ITFG1: variants seen among roughly 807,000 people sequenced by gnomAD.
ITFG1 encodes the protein integrin alpha FG-GAP repeat containing 1, also known as T-cell immunomodulatory protein.
In ITFG1, 34 loss-of-function variants were observed where a neutral mutation model predicts 81.8. The observed-to-expected ratio is 0.42, with a 90% CI of 0.32 to 0.55. The LOEUF (loss-of-function observed/expected upper bound fraction) is 0.55. Ranked by LOEUF, ITFG1 falls within the 20% of genes least tolerant of loss-of-function variation. ITFG1 has a pLI of 0.17. For synonymous variants in ITFG1, 285 were observed against 270.6 expected, an observed-to-expected ratio of 1.05 and a Z score of -0.52; for missense variants, 672 against 755.4, an observed-to-expected ratio of 0.89 and a Z score of 1.29.
chr16:47,221,491 T>C (rs933105955), intron 13 of ITFG1, among the ~76,000 whole-genome samples: 3 of 152,190 alleles, frequency 2.0e-5, no homozygotes, highest in African/African-American at 4.8e-5. Flanking sequence ...TTTGCCAGTA[T>C]TTTTTGAGGA....
rs1331211714 is a variant in ITFG1 at position 47,374,045 on chromosome 16, C to T, written c.720+1831G>A. The stretch of plus-strand genomic sequence containing the variant: ...TGGTTAGGCTCCTCTGAGAACTCTG[C>T]TTAACTTATCCCAACCACTACCCTG... On this transcript the variant is annotated intron_variant, in intron 7 of 17. Coordinates refer to ENST00000320640, the MANE Select transcript of ITFG1 (RefSeq NM_030790.5). 4.6e-5 allele frequency among the ~76,000 whole-genome samples: 7 copies of T among 152,262 alleles called. No individual in the cohort carries two copies. In the East Asian group the frequency reaches 1.4e-3, roughly 29 times the overall value.
rs1222405585 is a variant in ITFG1 at position 47,365,587 on chromosome 16, A to T, written c.802+201T>A. On this transcript the variant is annotated intron_variant, in intron 8 of 17. Transcript: ENST00000320640. Reference sequence around the variant, plus strand: ...CAGTATCAAACTATTTTTTAAACACATCATAAATTTCTCCTTATTTCATTA... The same window carrying T: ...CAGTATCAAACTATTTTTTAAACACTTCATAAATTTCTCCTTATTTCATTA... 11 of 464,966 alleles carry T rather than the reference A, an allele frequency of 2.4e-5. No individual in the cohort carries two copies. The East Asian group carries it at 3.4e-4, about 14-fold the overall frequency. 28.8% of individuals were successfully genotyped at this position (464,966 alleles called of 1,614,324 possible).
chr16:47,270,833 A>ATTT (rs565756906), intron 10 of ITFG1, among the ~76,000 whole-genome samples: 914 of 152,344 alleles, frequency 6.0e-3, no homozygotes, highest in African/African-American at 0.02. Flanking sequence ...GATTCCATTA[A>ATTT]TATAAAATAT....
At chr16:47,297,631 CTT>C (rs767640557) in intron 10 of ITFG1, among the ~76,000 whole-genome samples, 6 of 132,906 alleles carry the variant, frequency 4.5e-5, no homozygotes, top group Non-Finnish European at 6.5e-5. Context: ...TGACAGTTTG[CTT>C]TTTTTTTTTT....
chr16:47,258,021 A>G (rs1966159747), intron 12 of ITFG1, among the ~76,000 whole-genome samples: 1 of 152,246 alleles, frequency 6.6e-6, no homozygotes, highest in South Asian at 2.1e-4. Context: ...CAAAAGTTTC[A>G]TAAAGAAAAG....
chr16:47,296,608 G>A (rs1041012266), intron 10 of ITFG1, among the ~76,000 whole-genome samples: 1 of 152,046 alleles, frequency 6.6e-6, no homozygotes, highest in Admixed American at 6.6e-5. Context: ...GTTAATTTTT[G>A]TATTTTTAGT....
intron 14 of ITFG1, among the ~76,000 whole-genome samples, chr16:47,164,539 C>G (rs1437578539): frequency 6.6e-6 from 1 of 152,214 alleles, no homozygotes; most frequent in East Asian, 1.9e-4. Flanking sequence ...TTTGCAAAGT[C>G]TTCTAGATCC....
At chr16:47,321,659 C>T (rs1967450149) in intron 8 of ITFG1, among the ~76,000 whole-genome samples, 1 of 152,122 alleles carries the variant, frequency 6.6e-6, no homozygotes, top group South Asian at 2.1e-4. Context: ...TGTAGATGGG[C>T]ACTGCACTCC....
At chr16:47,218,842 A>G in intron 14 of ITFG1, 26 bp downstream of exon 14, 2 of 1,439,226 alleles carry the variant, frequency 1.4e-6, no homozygotes, top group Non-Finnish European at 1.9e-6. Context: ...GCTTTTATAC[A>G]TTATGGACAA....
At chr16:47,211,702 T>C (rs1174657995) in intron 14 of ITFG1, among the ~76,000 whole-genome samples, 1 of 152,246 alleles carries the variant, frequency 6.6e-6, no homozygotes, top group Non-Finnish European at 1.5e-5. Context: ...CCTATTTTTA[T>C]GACAGTTTTT....
chr16:47,431,455 G>GA (rs1969094783), intron 5 of ITFG1, among the ~76,000 whole-genome samples: 1 of 152,064 alleles, frequency 6.6e-6, no homozygotes, highest in Non-Finnish European at 1.5e-5. Flanking sequence ...ATTTTATCCC[G>GA]AAACCACCCC....
chr16:47,156,540 C>A (rs560407398), intron 17 of ITFG1, among the ~76,000 whole-genome samples: 84 of 152,236 alleles, frequency 5.5e-4, no homozygotes, highest in African/African-American at 1.9e-3. Flanking sequence ...ATTAAAAAAA[C>A]CTCCGTTTTG....
chr16:47,380,044 T>A (rs1284855223), intron 6 of ITFG1, among the ~76,000 whole-genome samples: 6 of 101,106 alleles, frequency 5.9e-5, no homozygotes, highest in African/African-American at 8.6e-5. Flanking sequence ...GTCTCTTGGG[T>A]AGCCAAAAAA....
At chr16:47,172,948 A>G (rs995460925) in intron 14 of ITFG1, among the ~76,000 whole-genome samples, 1 of 151,524 alleles carries the variant, frequency 6.6e-6, no homozygotes. Context: ...TTCATTTTCT[A>G]CTCTGTAACC....
chr16:47,388,499 T>C (rs529100570), intron 6 of ITFG1, among the ~76,000 whole-genome samples: 1 of 152,254 alleles, frequency 6.6e-6, no homozygotes, highest in East Asian at 1.9e-4. Context: ...ATAAGTTTAA[T>C]GGGTGACTTC....
At chr16:47,414,369 C>T (rs2073518166) in intron 6 of ITFG1, among the ~76,000 whole-genome samples, 1 of 150,912 alleles carries the variant, frequency 6.6e-6, no homozygotes, top group Admixed American at 6.6e-5. Context: ...ACTAAAAATA[C>T]AAAAAAATTA....
intron 8 of ITFG1, among the ~76,000 whole-genome samples, chr16:47,319,168 C>A (rs745688049): frequency 1.6e-4 from 24 of 152,198 alleles, no homozygotes; most frequent in Non-Finnish European, 2.8e-4. Context: ...AATGTTGATA[C>A]ACTTCATTAT....
chr16:47,390,955 A>G (rs1269730661), intron 6 of ITFG1, among the ~76,000 whole-genome samples: 1 of 152,140 alleles, frequency 6.6e-6, no homozygotes, highest in Non-Finnish European at 1.5e-5. Context: ...TCAATTTTAT[A>G]TAATTTTTAT....
chr16:47,231,015 T>C (rs1380502260), intron 13 of ITFG1, among the ~76,000 whole-genome samples: 4 of 152,220 alleles, frequency 2.6e-5, no homozygotes, highest in Non-Finnish European at 5.9e-5. Flanking sequence ...CCCAAAGTGT[T>C]GGGATTACAG....
Sources: gnomAD v4.1 joint callset for allele counts (sites outside exome capture counted in the v4.1 genomes callset) on GRCh38, gnomAD v4.1.1 for gene constraint, MANE v1.5 for transcripts, NCBI Gene and HGNC (gene_info 2026-07-23, HGNC 2026-07-21) for gene names.